The following TCF4 variants were observed in gnomAD, a reference collection of about 807,000 sequenced individuals.
The protein encoded by TCF4 is transcription factor 4.
Under a neutral mutation model 82.1 loss-of-function variants are expected in TCF4, and 3 were observed. The ratio of observed to expected loss-of-function variants is 0.04; its 90% CI spans 0.02 to 0.09. The LOEUF is 0.09. Among genes scored for constraint, TCF4 ranks in the 10% least tolerant of loss-of-function variants. TCF4 has a pLI of 1.00. For missense variants in TCF4, 518 were observed against 852.7 expected (o/e 0.61, Z 4.89); for synonymous variants, 276 against 309.6 (o/e 0.89, Z 1.14).
At chr18:55,333,266 C>T (rs759903803) in intron 8 of TCF4, among the ~76,000 whole-genome samples, 2 of 152,116 alleles carry the variant, frequency 1.3e-5, no homozygotes, top group Non-Finnish European at 2.9e-5. Flanking sequence ...TTGCCAGAAT[C>T]TTAAATGTGC....
At chr18:55,511,844 T>TAA (rs750656657) in intron 3 of TCF4, among the ~76,000 whole-genome samples, 111 of 152,278 alleles carry the variant, frequency 7.3e-4, no homozygotes, top group Middle Eastern at 3.4e-3. Context: ...AACTTGCACT[T>TAA]AGGCAGACAT....
At chr18:55,255,484 C>T (rs1174033382) in intron 14 of TCF4, among the ~76,000 whole-genome samples, 2 of 152,052 alleles carry the variant, frequency 1.3e-5, no homozygotes, top group Non-Finnish European at 2.9e-5. Context: ...TTCATCCTTG[C>T]CATTAGGATT....
At chr18:55,483,121 C>A (rs775555235) in intron 3 of TCF4, among the ~76,000 whole-genome samples, 1 of 152,196 alleles carries the variant, frequency 6.6e-6, no homozygotes, top group Non-Finnish European at 1.5e-5. Flanking sequence ...AAGGCACCCT[C>A]GGCGACTCTT....
chr18:55,352,677 C>G (rs2082562480), intron 6 of TCF4, among the ~76,000 whole-genome samples: 1 of 152,118 alleles, frequency 6.6e-6, no homozygotes, highest in Non-Finnish European at 1.5e-5. Context: ...TATTAAAACA[C>G]TACACAATGA....
intron 8 of TCF4, among the ~76,000 whole-genome samples, chr18:55,283,694 C>T (rs1156891015): frequency 2.6e-5 from 4 of 152,190 alleles, no homozygotes. Context: ...GGACCAGTTA[C>T]TTTTAACTCT....
intron 3 of TCF4, among the ~76,000 whole-genome samples, chr18:55,552,799 T>G (rs1329131428): frequency 6.6e-6 from 1 of 152,194 alleles, no homozygotes. Flanking sequence ...CATAATATGA[T>G]CTAAAGGAAC....
intron 3 of TCF4, among the ~76,000 whole-genome samples, chr18:55,583,226 C>A (rs900665580): frequency 2.0e-5 from 3 of 152,124 alleles, no homozygotes; most frequent in Non-Finnish European, 2.9e-5. Context: ...TACAACGTAA[C>A]TTAAAGTTCC....
At chr18:55,577,225 C>A (rs576578817) in intron 3 of TCF4, among the ~76,000 whole-genome samples, 1 of 130,306 alleles carries the variant, frequency 7.7e-6, no homozygotes, top group Admixed American at 7.8e-5. Flanking sequence ...TGTATATATA[C>A]GTTTATATAT....
chr18:55,382,041 G>C (rs576984355), intron 6 of TCF4, among the ~76,000 whole-genome samples: 1 of 152,034 alleles, frequency 6.6e-6, no homozygotes, highest in South Asian at 2.1e-4. Flanking sequence ...AAAGATATCT[G>C]ACATTTTGGA....
At chr18:55,546,139 C>T (rs1274867589) in intron 3 of TCF4, among the ~76,000 whole-genome samples, 1 of 151,980 alleles carries the variant, frequency 6.6e-6, no homozygotes, top group East Asian at 1.9e-4. Context: ...AGTAAGAGAC[C>T]AGCCTCCGTA....
At chr18:55,539,713 T>C (rs1568350685) in intron 3 of TCF4, among the ~76,000 whole-genome samples, 1 of 152,116 alleles carries the variant, frequency 6.6e-6, no homozygotes, top group African/African-American at 2.4e-5. Flanking sequence ...TTTTAAATGA[T>C]CATATTTAAA....
intron 3 of TCF4, among the ~76,000 whole-genome samples, chr18:55,523,767 A>G (rs1296619946): frequency 6.6e-6 from 1 of 152,008 alleles, no homozygotes; most frequent in South Asian, 2.1e-4. Context: ...TTTTTTCACT[A>G]TTTGCTAAAT....
intron 6 of TCF4, among the ~76,000 whole-genome samples, chr18:55,374,228 A>G (rs1183298836): frequency 6.6e-6 from 1 of 152,154 alleles, no homozygotes; most frequent in Non-Finnish European, 1.5e-5. Flanking sequence ...CAAAACATAC[A>G]ATATAAAAAG....
At chr18:55,524,365 A>G (rs900281432) in intron 3 of TCF4, among the ~76,000 whole-genome samples, 55 of 152,132 alleles carry the variant, frequency 3.6e-4, no homozygotes, top group Non-Finnish European at 6.5e-4. Context: ...TTCAATTTAA[A>G]AAAAAAACTA....
chr18:55,251,862 T>A (rs1216237536), intron 15 of TCF4, among the ~76,000 whole-genome samples: 1 of 151,704 alleles, frequency 6.6e-6, no homozygotes, highest in Non-Finnish European at 1.5e-5. Context: ...TGTATTAAAA[T>A]TCAAATGTGG....
intron 4 of TCF4, among the ~76,000 whole-genome samples, chr18:55,461,906 G>C (rs1051681932): frequency 3.9e-5 from 6 of 152,092 alleles, no homozygotes; most frequent in African/African-American, 1.4e-4. Context: ...AACGCAATAG[G>C]AAAGAGTTAA....
intron 3 of TCF4, among the ~76,000 whole-genome samples, chr18:55,579,340 AC>A (rs1292185145): frequency 6.6e-6 from 1 of 151,800 alleles, no homozygotes; most frequent in African/African-American, 2.4e-5. Context: ...GAAACCAGTA[AC>A]AAAAATAACC....
At chr18:55,376,965 C>A (rs1384278655) in intron 6 of TCF4, among the ~76,000 whole-genome samples, 1 of 152,184 alleles carries the variant, frequency 6.6e-6, no homozygotes, top group South Asian at 2.1e-4. Flanking sequence ...ATTAACGTGG[C>A]CAGTAGGAAA....
chr18:55,517,148 T>C (rs2096890467), intron 3 of TCF4, among the ~76,000 whole-genome samples: 1 of 152,140 alleles, frequency 6.6e-6, no homozygotes, highest in Admixed American at 6.6e-5. Flanking sequence ...TTTGTGGAGT[T>C]TCTTAGCACC....
Sources: allele counts gnomAD v4.1 joint callset (sites outside exome capture counted in the v4.1 genomes callset), GRCh38; gene constraint gnomAD v4.1.1; transcripts MANE v1.5; gene names NCBI Gene and HGNC (gene_info 2026-07-23, HGNC 2026-07-21).